Variants in SORCS2 observed in about 807,000 individuals in gnomAD.
The protein encoded by SORCS2 is sortilin related VPS10 domain containing receptor 2.
SORCS2 carries 100 observed loss-of-function variants against 141.6 expected under a neutral mutation model. That is an observed-to-expected ratio of 0.71 (90% CI 0.60 to 0.83). The LOEUF (loss-of-function observed/expected upper bound fraction) is 0.83. Ranked by LOEUF, SORCS2 falls within the 40% of genes least tolerant of loss-of-function variation. SORCS2 has a pLI of 0.00. For synonymous variants in SORCS2, 789 were observed against 676.9 expected (o/e 1.17, Z -2.57); for missense variants, 1,646 against 1,560.2 (o/e 1.05, Z -0.93).
intron 10 of SORCS2, among the ~76,000 whole-genome samples, chr4:7,684,004 G>A (rs753398208): frequency 2.0e-4 from 30 of 152,136 alleles, no homozygotes; most frequent in Non-Finnish European, 4.0e-4. Flanking sequence ...ATGCAAGGGA[G>A]GAAGAGGCGA....
intron 3 of SORCS2, among the ~76,000 whole-genome samples, chr4:7,532,776 CCT>C (rs938415697): frequency 2.6e-5 from 4 of 152,076 alleles, no homozygotes; most frequent in Admixed American, 2.6e-4. Flanking sequence ...CATGGGATGT[CCT>C]CTCTCTTCCT....
At chr4:7,523,009 CCTCTTT>C (rs1733436547) in intron 2 of SORCS2, among the ~76,000 whole-genome samples, 1 of 145,922 alleles carries the variant, frequency 6.9e-6, no homozygotes, top group South Asian at 2.3e-4. Flanking sequence ...CCCACTCTTC[CCTCTTT>C]GTCACTCCCT....
chr4:7,330,099 A>G (rs1278911380), intron 1 of SORCS2, among the ~76,000 whole-genome samples: 1 of 151,408 alleles, frequency 6.6e-6, no homozygotes, highest in African/African-American at 2.4e-5. Flanking sequence ...CTTCCCTCAC[A>G]TCACTCCAGC....
At chr4:7,270,394 C>T (rs1030027180) in intron 1 of SORCS2, among the ~76,000 whole-genome samples, 5 of 152,222 alleles carry the variant, frequency 3.3e-5, no homozygotes, top group South Asian at 2.1e-4. Context: ...GTCTAAACCC[C>T]GGCTCCGGGA....
intron 25 of SORCS2, 148 bp from the exon 26 acceptor site, chr4:7,736,921 C>G (rs1712225928): frequency 9.9e-7 from 1 of 1,012,904 alleles, no homozygotes; most frequent in African/African-American, 1.6e-5. Flanking sequence ...GGGCAGGAGG[C>G]AAAACTTGGG....
intron 21 of SORCS2, 120 bp downstream of exon 21, chr4:7,727,023 G>A (rs1727267666): frequency 7.9e-7 from 1 of 1,273,124 alleles, no homozygotes; most frequent in East Asian, 2.7e-5. Context: ...GCCCTGGGGT[G>A]GGGAGGGAGG....
At chr4:7,236,773 G>T (rs1396848833) in intron 1 of SORCS2, among the ~76,000 whole-genome samples, 5 of 152,116 alleles carry the variant, frequency 3.3e-5, no homozygotes, top group Admixed American at 6.5e-5. Context: ...TAGAGACAGG[G>T]TTTCACCATG....
chr4:7,384,666 T>C (rs907715322), intron 1 of SORCS2, among the ~76,000 whole-genome samples: 1 of 152,066 alleles, frequency 6.6e-6, no homozygotes, highest in Non-Finnish European at 1.5e-5. Context: ...TGGGAGACAG[T>C]GTGTTCTGGG....
intron 2 of SORCS2, among the ~76,000 whole-genome samples, chr4:7,406,673 G>C (rs1332644534): frequency 6.6e-6 from 1 of 151,638 alleles, no homozygotes; most frequent in Non-Finnish European, 1.5e-5. Context: ...CTTTTCAAAA[G>C]ACCAACTTTT....
chr4:7,534,453 A>G (rs1401009694), intron 3 of SORCS2, among the ~76,000 whole-genome samples: 1 of 152,200 alleles, frequency 6.6e-6, no homozygotes, highest in Non-Finnish European at 1.5e-5. Context: ...AGCTGAAGAG[A>G]AGCCCCCAAA....
intron 1 of SORCS2, among the ~76,000 whole-genome samples, chr4:7,322,628 G>A (rs761583667): frequency 3.3e-5 from 5 of 152,170 alleles, no homozygotes; most frequent in Non-Finnish European, 5.9e-5. Context: ...CTGAGAGGCC[G>A]GGACAGCCCA....
chr4:7,533,272 A>C (rs77869931), intron 3 of SORCS2, among the ~76,000 whole-genome samples: 42 of 152,158 alleles, frequency 2.8e-4, no homozygotes, highest in African/African-American at 1.0e-3. Flanking sequence ...CCCAAACCCT[A>C]TGGAAGCAGG....
At chr4:7,307,071 A>G (rs1479994120) in intron 1 of SORCS2, among the ~76,000 whole-genome samples, 2 of 152,152 alleles carry the variant, frequency 1.3e-5, no homozygotes, top group African/African-American at 2.4e-5. Flanking sequence ...TCCTGCTGTG[A>G]TTGGGAGAAA....
chr4:7,623,386 C>G (rs1255273929), intron 3 of SORCS2, among the ~76,000 whole-genome samples: 1 of 152,090 alleles, frequency 6.6e-6, no homozygotes, highest in Non-Finnish European at 1.5e-5. Flanking sequence ...TGCTTGAGCT[C>G]TCGGTGGCTG....
intron 23 of SORCS2, among the ~76,000 whole-genome samples, chr4:7,732,533 C>T (rs1329178529): frequency 6.6e-6 from 1 of 152,140 alleles, no homozygotes; most frequent in East Asian, 1.9e-4. Context: ...TAGGTGCCCC[C>T]GACCCTGCAT....
chr4:7,300,128 G>A (rs1279419159), intron 1 of SORCS2, among the ~76,000 whole-genome samples: 2 of 152,166 alleles, frequency 1.3e-5, no homozygotes, highest in East Asian at 1.9e-4. Flanking sequence ...CCCACCCTTC[G>A]TAGCTACTGA....
chr4:7,643,029 G>T (rs1306882340), intron 4 of SORCS2, among the ~76,000 whole-genome samples: 1 of 152,194 alleles, frequency 6.6e-6, no homozygotes, highest in Non-Finnish European at 1.5e-5. Flanking sequence ...CAAAGCCAAA[G>T]GCTTGCCTCC....
chr4:7,234,179 G>A (rs1712098685), intron 1 of SORCS2, among the ~76,000 whole-genome samples: 1 of 152,232 alleles, frequency 6.6e-6, no homozygotes, highest in African/African-American at 2.4e-5. Context: ...CCCTCGCCCT[G>A]AAATGTATTG....
At chr4:7,413,640 G>A (rs968518526) in intron 2 of SORCS2, among the ~76,000 whole-genome samples, 2 of 151,986 alleles carry the variant, frequency 1.3e-5, no homozygotes, top group African/African-American at 2.4e-5. Flanking sequence ...TGCCTGCCTC[G>A]GCCTCCCAAA....
Sources: allele counts gnomAD v4.1 joint callset (sites outside exome capture counted in the v4.1 genomes callset), GRCh38; gene constraint gnomAD v4.1.1; transcripts MANE v1.5; gene names NCBI Gene and HGNC (gene_info 2026-07-23, HGNC 2026-07-21).